Variants in ARL10 observed in about 807,000 individuals in gnomAD.
ARL10 encodes the protein ARF like GTPase 10.
In ARL10, 23 loss-of-function variants were observed where a neutral mutation model predicts 26.1. The ratio of observed to expected loss-of-function variants is 0.88; its 90% CI spans 0.63 to 1.25. ARL10 has a LOEUF of 1.25. Among genes scored for constraint, ARL10 ranks in the 50% most tolerant of loss-of-function variants. The pLI is 0.00. For synonymous variants in ARL10, 138 were observed against 149.1 expected (o/e 0.93, Z 0.54); for missense variants, 300 against 323.6 (o/e 0.93, Z 0.56).
chr5:176,386,799 T>G (rs1755876199), downstream of ARL10: 1 of 1,560,752 alleles, frequency 6.4e-7, no homozygotes, highest in Non-Finnish European at 8.8e-7. Context: ...CTTCCCACAG[T>G]GCAGGACAGT....
chr5:176,402,094 G>A (rs1332648156), downstream of ARL10, among the ~76,000 whole-genome samples: 1 of 152,144 alleles, frequency 6.6e-6, no homozygotes, highest in Non-Finnish European at 1.5e-5. Context: ...CCTGAGCTCA[G>A]GAGTTCGAGA....
At chr5:176,390,684 T>C (rs1331147590), downstream of ARL10, among the ~76,000 whole-genome samples, 1 of 151,774 alleles carries the variant, frequency 6.6e-6, no homozygotes. Flanking sequence ...TGACCTCAGG[T>C]AATCCCCCAA....
At chr5:176,409,806 A>G in the ARL10 span, among the ~76,000 whole-genome samples, 1 of 152,204 alleles carries the variant, frequency 6.6e-6, no homozygotes, top group African/African-American at 2.4e-5. Context: ...ATTGTCTGCC[A>G]TTATAAATAA....
At chr5:176,388,380 C>T (rs1427033125) in exon 2 of ARL10, 2 of 1,612,960 alleles carry the variant, frequency 1.2e-6, no homozygotes, top group South Asian at 1.1e-5. Flanking sequence ...TCCGTCATCT[C>T]GCGGACCGTC....
intron 1 of ARL10, among the ~76,000 whole-genome samples, chr5:176,394,276 TGAC>T (rs968894572): frequency 4.6e-5 from 7 of 152,224 alleles, no homozygotes; most frequent in Non-Finnish European, 8.8e-5. Context: ...GGCATCAGCA[TGAC>T]GACAGAGCCT....
In ARL10 at chr5:176,394,593, G is replaced by A. The variant is rs372879204; in HGVS notation, c.134-7148G>A. 7.4e-5 allele frequency among the ~76,000 whole-genome samples: 11 copies of A among 148,478 alleles called. No individual in the cohort carries two copies. The South Asian group carries it at 8.3e-4, about 11-fold the overall frequency. ...AGCACTTTGGGAGGCCAAGGTGGGC[G>A]GATCACGAGGTCAGATGGAGAGCAT... On this transcript the variant is annotated intron_variant, in intron 1 of 1. Coordinates refer to the ARL10 transcript ENST00000514533.
intron 1 of ARL10, chr5:176,396,638 C>G: frequency 1.2e-6 from 1 of 800,844 alleles, no homozygotes. Flanking sequence ...ATTAGTACCT[C>G]CAGTGGGAGA....
chr5:176,389,074 G>T, downstream of ARL10: 1 of 1,461,982 alleles, frequency 6.8e-7, no homozygotes, highest in South Asian at 1.2e-5. Flanking sequence ...GAAGGAGAGC[G>T]GACTAGAGAA....
At chr5:176,388,805 T>C (rs1561786312), downstream of ARL10, 3 of 1,609,148 alleles carry the variant, frequency 1.9e-6, no homozygotes, top group Non-Finnish European at 1.7e-6. Flanking sequence ...TTTCTCCTGC[T>C]GCTGTGGCCC....
At chr5:176,389,109 G>A (rs1055330078), downstream of ARL10, 17 of 1,236,726 alleles carry the variant, frequency 1.4e-5, no homozygotes, top group Non-Finnish European at 1.9e-5. Flanking sequence ...GGGCGGTGAG[G>A]GGCGAAACTG....
At chr5:176,408,953 C>T in the ARL10 span, among the ~76,000 whole-genome samples, 1 of 151,618 alleles carries the variant, frequency 6.6e-6, no homozygotes, top group South Asian at 2.1e-4. Flanking sequence ...TGGTACACAT[C>T]CTTTCAGATA....
chr5:176,409,222 C>T, the ARL10 span, among the ~76,000 whole-genome samples: 2 of 151,128 alleles, frequency 1.3e-5, no homozygotes, highest in Non-Finnish European at 1.5e-5. Context: ...GATCCACCTG[C>T]CTTGGCCTCC....
At chr5:176,402,140 TA>T (rs903772440), downstream of ARL10, among the ~76,000 whole-genome samples, 1 of 151,878 alleles carries the variant, frequency 6.6e-6, no homozygotes, top group African/African-American at 2.4e-5. Context: ...CCATCTCTAC[TA>T]AAATACAAAA....
At chr5:176,367,754 T>A (rs746762690) in intron 2 of ARL10, among the ~76,000 whole-genome samples, 2 of 152,224 alleles carry the variant, frequency 1.3e-5, no homozygotes, top group African/African-American at 4.8e-5. Context: ...ACATGCCACT[T>A]CCTTGATGAG....
the ARL10 span, among the ~76,000 whole-genome samples, chr5:176,411,887 C>T: frequency 6.6e-6 from 1 of 152,040 alleles, no homozygotes; most frequent in African/African-American, 2.4e-5. Context: ...CTAAAGAATG[C>T]TTTTTTGGGC....
Position 176,365,764 on chromosome 5 carries a change from G to A in ARL10, c.183+18G>A, listed in dbSNP as rs1033071794. On this transcript the variant is annotated intron_variant, in intron 1 of 3. Transcript: ENST00000310389. ...AGTGGGACGTGAGTGCCGGGCCGAG[G>A]CCTGCGGAAGGGCGGGCAGGCTGGG... The A allele has an allele frequency of 1.6e-6, 2 of 1,233,738 alleles. No homozygotes were observed. The highest frequency in any genetic ancestry group is 3.1e-5 in the African/African-American group (2 of 64,346). 76.4% of individuals were successfully genotyped at this position (1,233,738 alleles called of 1,614,324 possible). A position where few individuals can be genotyped will look rare whatever the true frequency, so the allele number is the denominator to read the frequency against.
intron 1 of ARL10, among the ~76,000 whole-genome samples, chr5:176,399,776 T>C (rs1756721130): frequency 6.7e-6 from 1 of 149,480 alleles, no homozygotes; most frequent in South Asian, 2.1e-4. Context: ...CTTAGGAGTC[T>C]GGGACTTGGG....
Position 176,375,645 on chromosome 5 carries a change from G to C in ARL10, c.*3750G>C, listed in dbSNP as rs1768680272. On this transcript the variant is annotated 3_prime_UTR_variant, in exon 4 of 4. Transcript: ENST00000310389. ...AAGATCTGAAGTCAGGACAGAGTAA[G>C]CAAATTATCCACAGACCTAATATGT... 1 of 152,164 alleles carries C rather than the reference G, an allele frequency of 6.6e-6. No individual in the cohort carries two copies. The highest frequency in any genetic ancestry group is 2.1e-4 in the South Asian group (1 of 4,828). The allele number at this position is 152,164 out of a possible 1,614,324, so 9.4% of individuals were successfully genotyped here.
At chr5:176,406,311 G>A, downstream of ARL10, 2 of 1,068,498 alleles carry the variant, frequency 1.9e-6, no homozygotes, top group Non-Finnish European at 1.1e-6. Context: ...CGACAGTCAG[G>A]GCCAGGCTTG....
Sources: gnomAD v4.1 joint callset for allele counts (sites outside exome capture counted in the v4.1 genomes callset) on GRCh38, gnomAD v4.1.1 for gene constraint, MANE v1.5 for transcripts, NCBI Gene and HGNC (gene_info 2026-07-23, HGNC 2026-07-21) for gene names.